Variants in DLEC1 observed in about 807,000 individuals in gnomAD.
DLEC1 encodes the protein DLEC1 cilia and flagella associated protein, also known as deleted in lung and esophageal cancer protein 1.
In DLEC1, 146 loss-of-function variants were observed where a neutral mutation model predicts 198.1. The observed-to-expected ratio is 0.74, with a 90% CI of 0.64 to 0.85. The LOEUF is 0.85. Ranked by LOEUF, DLEC1 falls within the 40% of genes least tolerant of loss-of-function variation. DLEC1 has a pLI of 0.00. For missense variants in DLEC1, 2,233 were observed against 2,220.0 expected (o/e 1.01, Z -0.12); for synonymous variants, 897 against 866.8 (o/e 1.03, Z -0.61).
Position 38,039,346 on chromosome 3 carries a change from T to G in DLEC1, c.121T>G (p.Trp41Gly), listed in dbSNP as rs1369762252. The change falls in exon 1 of 37, where the codon TGG (tryptophan) becomes GGG (glycine). Residue 41 changes from tryptophan to glycine, a missense_variant. Coordinates refer to ENST00000308059, the MANE Select transcript of DLEC1 (RefSeq NM_007335.4). ...GTCCAGCAGCCCCAGCCAGCCCACC[T>G]GGAAGTCCTCCTTGTATTCCTCCCT... is the stretch of plus-strand genomic sequence containing the variant. The part of the protein sequence containing the change: ...AGSSSPSQPT[W>G]KSSLYSSLAY... 1.2e-6 allele frequency: 2 copies of G among 1,614,114 alleles called. No homozygotes were observed. Among genetic ancestry groups the G allele is most frequent in the Non-Finnish European group, 1.7e-6 (2 of 1,180,054 alleles).
chr3:38,084,489 G>A (rs1698295201), intron 7 of DLEC1, among the ~76,000 whole-genome samples: 1 of 132,880 alleles, frequency 7.5e-6, no homozygotes, highest in Non-Finnish European at 1.7e-5. Context: ...GGTAGTAGTG[G>A]TGGTAGTAGT....
In DLEC1 at chr3:38,120,468, C is replaced by T; in HGVS notation, c.4725C>T (p.Leu1575=). 2 of 1,614,222 alleles carry T rather than the reference C, an allele frequency of 1.2e-6. No homozygotes were observed. The highest frequency in any genetic ancestry group is 1.7e-6 in the Non-Finnish European group (2 of 1,180,022). ...CTCAGGTGAACGTGTCCTTCTCACT[C>T]TCCCTGGAGCTGCTCTCCTATCAGA... ...ENMLVNVSFS[L]SLELLSYQKL... The change falls in exon 34 of 37, where the codon CTC becomes CTT. Residue 1575 remains leucine (L), a synonymous_variant. Coordinates refer to ENST00000308059, the MANE Select transcript of DLEC1 (RefSeq NM_007335.4).
intron 18 of DLEC1, among the ~76,000 whole-genome samples, chr3:38,100,030 C>G (rs928703040): frequency 6.6e-6 from 1 of 152,232 alleles, no homozygotes; most frequent in African/African-American, 2.4e-5. Flanking sequence ...CGCCTTCTAT[C>G]TCTCAGATCT....
intron 2 of DLEC1, chr3:38,052,421 T>C: frequency 5.1e-6 from 1 of 195,344 alleles, no homozygotes; most frequent in Non-Finnish European, 1.1e-5. Flanking sequence ...GAACCACAAA[T>C]AAGCAAGGGA....
At chr3:38,097,448 C>A in intron 16 of DLEC1, 59 bp from the exon 17 acceptor site, 1 of 1,604,236 alleles carries the variant, frequency 6.2e-7, no homozygotes, top group South Asian at 1.1e-5. Context: ...TGGGCCCAAT[C>A]ATAGGAGGAA....
Position 38,088,366 on chromosome 3 carries a change from C to A in DLEC1, c.1643C>A (p.Pro548Gln). 1.2e-6 allele frequency: 2 copies of A among 1,613,816 alleles called. No individual in the cohort carries two copies. The highest frequency in any genetic ancestry group is 1.7e-6 in the Non-Finnish European group (2 of 1,179,768). The change falls in exon 10 of 37, where the codon CCG (proline) becomes CAG (glutamine). Residue 548 changes from proline to glutamine, a missense_variant. By Grantham distance (76) the Pro-to-Gln change is moderately conservative. Coordinates refer to ENST00000308059, the MANE Select transcript of DLEC1 (RefSeq NM_007335.4). ...CTGCCTTCGGTGTTTGAGCTGGCCC[C>A]GGGACATGCTATATTAGTGGAGGTA... is the stretch of plus-strand genomic sequence containing the variant. Reference protein sequence around the residue: ...GILPSVFELAPGHAILVEVLF... With the variant: ...GILPSVFELAQGHAILVEVLF...
intron 6 of DLEC1, among the ~76,000 whole-genome samples, chr3:38,068,873 T>C (rs1250471245): frequency 6.6e-6 from 1 of 152,218 alleles, no homozygotes; most frequent in East Asian, 1.9e-4. Flanking sequence ...GAATAGCAAT[T>C]ACTTAGTAAC....
At chr3:38,106,888 C>G (rs115550165) in intron 19 of DLEC1, among the ~76,000 whole-genome samples, 3,151 of 152,134 alleles carry the variant, frequency 0.021, 112 homozygotes, top group African/African-American at 0.07. Context: ...TACCTTCAGC[C>G]GTTCAGACAT....
intron 6 of DLEC1, among the ~76,000 whole-genome samples, chr3:38,073,574 A>G (rs1386519483): frequency 6.6e-6 from 1 of 152,118 alleles, no homozygotes; most frequent in East Asian, 1.9e-4. Context: ...AAGAGCGGCA[A>G]TGAGATGCGG....
intron 15 of DLEC1, 80 bp downstream of exon 15, chr3:38,096,817 A>T: frequency 6.8e-7 from 1 of 1,475,926 alleles, no homozygotes. Flanking sequence ...ATATAGCAGG[A>T]GGGGCAGATG....
At chr3:38,109,326 C>A (rs1699736525) in intron 21 of DLEC1, 106 bp from the exon 22 acceptor site, 2 of 1,473,726 alleles carry the variant, frequency 1.4e-6, no homozygotes, top group East Asian at 2.3e-5. Context: ...ATGAGCCTGG[C>A]CAGAGGTCAA....
Position 38,100,317 on chromosome 3 carries a change from G to A in DLEC1, c.2756G>A (p.Gly919Asp), listed in dbSNP as rs752551652. 4 of 1,613,246 alleles carry A rather than the reference G, an allele frequency of 2.5e-6. No homozygotes were observed. The South Asian group carries it at 4.4e-5, about 18-fold the overall frequency. Reference sequence around the variant, plus strand: ...CCCTTCGACATTGAGCCTTCGAGTGGCCAGCTTCACTCTCTGGGGGAGTGC... The same window carrying A: ...CCCTTCGACATTGAGCCTTCGAGTGACCAGCTTCACTCTCTGGGGGAGTGC... ...VSPFDIEPSS[G>D]QLHSLGECRV... Residue 919 changes from glycine (G) to aspartate (D), a missense_variant, in exon 19 of 37, where the codon GGC (glycine) becomes GAC (aspartate). Physicochemically the swap from Gly to Asp is moderately conservative, Grantham distance 94 (BLOSUM62 -1). Transcript: ENST00000308059.
chr3:38,109,792 TGGCA>T, intron 22 of DLEC1: 1 of 803,370 alleles, frequency 1.2e-6, no homozygotes, highest in Non-Finnish European at 1.9e-6. Flanking sequence ...CGTGGTGCCC[TGGCA>T]GGCAGGAGAT....
Position 38,085,291 on chromosome 3 carries a change from GGT to G in DLEC1, c.1281_1282del (p.Gly428AsnfsTer23). 6 of 1,614,162 alleles carry G rather than the reference GGT, an allele frequency of 3.7e-6. No homozygotes were observed. Among genetic ancestry groups the G allele is most frequent in the Non-Finnish European group, 5.1e-6 (6 of 1,180,016 alleles). The stretch of plus-strand genomic sequence containing the variant: ...ATGCACAGGGATGTTCCCAGGAAAA[GGT>G]GGAATGGTGGCTCCTGGAATGACCT... Reference protein sequence around the residue: ...ALGLGMFPGKGGMVAPGMTCQ... With the variant: ...ALGLGMFPGKXGMVAPGMTCQ... On this transcript the variant is annotated frameshift_variant, in exon 8 of 37. Transcript: ENST00000308059. LOFTEE classifies it high-confidence loss of function.
chr3:38,093,881 A>C, intron 12 of DLEC1, 114 bp downstream of exon 12: 1 of 1,350,024 alleles, frequency 7.4e-7, no homozygotes, highest in South Asian at 1.4e-5. Context: ...TGGGCACAGA[A>C]TGGATATCCA....
At chr3:38,042,078 C>T (rs532945853) in intron 1 of DLEC1, among the ~76,000 whole-genome samples, 34 of 151,912 alleles carry the variant, frequency 2.2e-4, no homozygotes, top group African/African-American at 7.0e-4. Flanking sequence ...CTACAACTTC[C>T]GTCTCCTGGG....
intron 35 of DLEC1, 97 bp from the exon 36 acceptor site, chr3:38,121,974 C>G: frequency 6.4e-7 from 1 of 1,558,162 alleles, no homozygotes; most frequent in Non-Finnish European, 8.7e-7. Flanking sequence ...CAGTGCTGAG[C>G]AAGACCAGAG....
chr3:38,045,673 G>A lies in DLEC1; in HGVS notation c.542G>A (p.Ser181Asn). 6.2e-7 allele frequency: 1 copy of A among 1,612,914 alleles called. No homozygotes were observed. Among genetic ancestry groups the A allele is most frequent in the Admixed American group, 1.7e-5 (1 of 59,790 alleles). Residue 181 changes from serine (S) to asparagine (N), a missense_variant, in exon 2 of 37, where the codon AGC becomes AAC. Coordinates refer to ENST00000308059, the MANE Select transcript of DLEC1 (RefSeq NM_007335.4). ...MSQAGVQDLE[S>N]LVRLPPVKSV... ...CAGGCTGGAGTACAGGACCTCGAGA[G>A]CCTTGTCAGGTTGCCTCCAGGTGTG...
rs377099052 is a variant in DLEC1, at chr3:38,122,389, T to G, written c.5245T>G (p.Tyr1749Asp). 13 of 1,613,944 alleles carry G rather than the reference T, an allele frequency of 8.1e-6. No individual in the cohort carries two copies. Among genetic ancestry groups the G allele is most frequent in the Non-Finnish European group, 1.1e-5 (13 of 1,180,006 alleles). Residue 1749 changes from tyrosine (Y) to aspartate (D), a missense_variant, in exon 37 of 37, where the codon TAC becomes GAC. Coordinates refer to ENST00000308059, the MANE Select transcript of DLEC1 (RefSeq NM_007335.4). ...GGGCCAAGGCTCCTATGATGAGAGA[T>G]ACATGTTGCCTCACCAGCCCTGAGG... Reference protein sequence around the residue: ...LRGQGSYDERYMLPHQP With the variant: ...LRGQGSYDERDMLPHQP
Sources: allele counts gnomAD v4.1 joint callset (sites outside exome capture counted in the v4.1 genomes callset), GRCh38; gene constraint gnomAD v4.1.1; transcripts MANE v1.5; gene names NCBI Gene and HGNC (gene_info 2026-07-23, HGNC 2026-07-21).